Variants in PARD3B observed in about 807,000 individuals in gnomAD.
PARD3B encodes par-3 family cell polarity regulator beta, also known as partitioning defective 3 homolog B.
In PARD3B, 103 loss-of-function variants were observed where a neutral mutation model predicts 130.2. That is an observed-to-expected ratio of 0.79 (90% CI 0.67 to 0.93). The LOEUF is 0.93. Ranked by LOEUF, PARD3B falls within the 40% of genes least tolerant of loss-of-function variation. The probability of loss-of-function intolerance (pLI) is 0.00; values close to 1 mark genes in which losing one functional copy is unlikely to be tolerated. For synonymous variants in PARD3B, 583 were observed against 553.2 expected, an observed-to-expected ratio of 1.05 and a Z score of -0.76; for missense variants, 1,609 against 1,499.2, an observed-to-expected ratio of 1.07 and a Z score of -1.21.
chr2:204,853,036 T>C (rs1442553043), intron 2 of PARD3B, among the ~76,000 whole-genome samples: 2 of 152,212 alleles, frequency 1.3e-5, no homozygotes, highest in African/African-American at 4.8e-5. Flanking sequence ...TAATTAGTTA[T>C]CAAAATATTC....
At chr2:204,847,817 A>C (rs2044526504) in intron 2 of PARD3B, among the ~76,000 whole-genome samples, 1 of 152,314 alleles carries the variant, frequency 6.6e-6, no homozygotes, top group African/African-American at 2.4e-5. Context: ...GAAAAGGTGA[A>C]AGTTCTCAAC....
chr2:205,559,365 C>T (rs911763336), intron 22 of PARD3B, among the ~76,000 whole-genome samples: 7 of 151,780 alleles, frequency 4.6e-5, no homozygotes, highest in East Asian at 3.9e-4. Flanking sequence ...AGGCTGGTCT[C>T]GAACTCCTGA....
At position 205,575,569 on chromosome 2, in the gene PARD3B, C is replaced by A. The variant is rs79769743; in HGVS notation, c.3260+22166C>A. ...ACCATTACCCCTAGCTACTATTGAT[C>A]TTTTTGCTGTCTTCATAGTTCTAAC... On this transcript the variant is annotated intron_variant, in intron 22 of 22. Coordinates refer to ENST00000406610, the MANE Select transcript of PARD3B (RefSeq NM_001302769.2). This position sits in a 1 kb window ranked among gnomAD's most constrained non-coding sequence, Gnocchi z 4.6. 0.018 allele frequency among the ~76,000 whole-genome samples: 2,713 copies of A among 152,248 alleles called. 86 individuals are homozygous for A. The highest frequency in any genetic ancestry group is 0.061 in the African/African-American group (2,541 of 41,544).
Position 204,557,762 on chromosome 2 carries a change from T to C in PARD3B, c.120+11643T>C, listed in dbSNP as rs376051992. Reference sequence around the variant, plus strand: ...TTTGCTGTAGGCAGTAGTTTAGTGGTCCATTATATCTGCCACACTGATTGT... The same window carrying C: ...TTTGCTGTAGGCAGTAGTTTAGTGGCCCATTATATCTGCCACACTGATTGT... On this transcript the variant is annotated intron_variant, in intron 1 of 22. Transcript: ENST00000406610. Among the ~76,000 whole-genome samples, 21 of 152,240 alleles carry C rather than the reference T, an allele frequency of 1.4e-4. 3 individuals carry two copies. Among genetic ancestry groups the C allele is most frequent in the Admixed American group, 1.1e-3 (17 of 15,290 alleles).
intron 3 of PARD3B, among the ~76,000 whole-genome samples, chr2:204,979,527 T>C (rs1692485052): frequency 6.6e-6 from 1 of 152,190 alleles, no homozygotes; most frequent in South Asian, 2.1e-4. Context: ...GGAATATGAA[T>C]GGACAGCCAC....
chr2:205,094,072 C>G (rs1328615375), intron 4 of PARD3B, among the ~76,000 whole-genome samples: 1 of 152,164 alleles, frequency 6.6e-6, no homozygotes, highest in Non-Finnish European at 1.5e-5. Flanking sequence ...TTTGACTCTT[C>G]CGCTGTTCCT....
intron 2 of PARD3B, among the ~76,000 whole-genome samples, chr2:204,739,029 G>A (rs186511781): frequency 6.6e-6 from 1 of 152,270 alleles, no homozygotes; most frequent in African/African-American, 2.4e-5. Flanking sequence ...TTAGGATTCT[G>A]CCTAAGAGTT....
At chr2:204,718,687 C>A (rs1285354096) in intron 2 of PARD3B, among the ~76,000 whole-genome samples, 1 of 152,200 alleles carries the variant, frequency 6.6e-6, no homozygotes, top group Non-Finnish European at 1.5e-5. Context: ...CAACCATTGC[C>A]TAGCAGTAGT....
intron 21 of PARD3B, among the ~76,000 whole-genome samples, chr2:205,508,249 G>A (rs2050450807): frequency 6.6e-6 from 1 of 152,166 alleles, no homozygotes; most frequent in Non-Finnish European, 1.5e-5. Flanking sequence ...TTTAGAAGGT[G>A]AGATGGGGTA....
At chr2:204,972,404 C>T (rs1048404742) in intron 3 of PARD3B, among the ~76,000 whole-genome samples, 1 of 152,020 alleles carries the variant, frequency 6.6e-6, no homozygotes, top group East Asian at 1.9e-4. Context: ...TACCACCATC[C>T]TAACAGAACT....
chr2:205,094,178 T>C (rs757026352), intron 4 of PARD3B, among the ~76,000 whole-genome samples: 5 of 152,198 alleles, frequency 3.3e-5, no homozygotes, highest in African/African-American at 9.7e-5. Flanking sequence ...CAGTAGGTCT[T>C]ATAAGCTGTG....
At chr2:205,119,495 C>G (rs1376516109) in intron 7 of PARD3B, among the ~76,000 whole-genome samples, 1 of 152,090 alleles carries the variant, frequency 6.6e-6, no homozygotes, top group African/African-American at 2.4e-5. Flanking sequence ...AAAATACCGT[C>G]TCCTGGCCAG....
chr2:205,507,702 C>T (rs912871289), intron 21 of PARD3B, among the ~76,000 whole-genome samples: 1 of 152,076 alleles, frequency 6.6e-6, no homozygotes, highest in Non-Finnish European at 1.5e-5. Flanking sequence ...ACGACAACTT[C>T]GAGTTCTAAT....
Position 204,596,615 on chromosome 2 carries a change from A to C in PARD3B, c.120+50496A>C, listed in dbSNP as rs546659513. 3.3e-5 allele frequency among the ~76,000 whole-genome samples: 5 copies of C among 152,010 alleles called. No homozygotes were observed. The South Asian group carries it at 6.2e-4, about 19-fold the overall frequency. On this transcript the variant is annotated intron_variant, in intron 1 of 22. Coordinates refer to ENST00000406610, the MANE Select transcript of PARD3B (RefSeq NM_001302769.2). Reference sequence around the variant, plus strand: ...CTTGTCAGGTGCAAAAACATAGAACACTCCCAATAATCTTTCATGTAAGCT... The same window carrying C: ...CTTGTCAGGTGCAAAAACATAGAACCCTCCCAATAATCTTTCATGTAAGCT...
chr2:205,276,546 C>T lies in PARD3B; in HGVS notation c.2186-23984C>T, dbSNP rs956537991. On this transcript the variant is annotated intron_variant, in intron 16 of 22. Coordinates refer to ENST00000406610, the MANE Select transcript of PARD3B (RefSeq NM_001302769.2). This position sits in a 1 kb window ranked among gnomAD's most constrained non-coding sequence, Gnocchi z 5.0. The stretch of plus-strand genomic sequence containing the variant: ...GCAATGAGGAGCTAGGCGGGGCCTT[C>T]GGGAGCGGGAGCAGCACCCACCATC... 2.0e-5 allele frequency among the ~76,000 whole-genome samples: 3 copies of T among 152,116 alleles called. No homozygotes were observed. Among genetic ancestry groups the T allele is most frequent in the Non-Finnish European group, 2.9e-5 (2 of 68,014 alleles).
chr2:204,670,770 A>G lies in PARD3B; in HGVS notation c.121-15411A>G, dbSNP rs113554905. On this transcript the variant is annotated intron_variant, in intron 1 of 22. Coordinates refer to ENST00000406610, the MANE Select transcript of PARD3B (RefSeq NM_001302769.2). ...TATTGTTACTTTTGAGCCCATAACTATGGTTGCCTTTTGTCTCGTGCAAAC... is the reference window on the plus strand; with the variant it reads ...TATTGTTACTTTTGAGCCCATAACTGTGGTTGCCTTTTGTCTCGTGCAAAC... Among the ~76,000 whole-genome samples, 889 of 152,240 alleles carry G rather than the reference A, an allele frequency of 5.8e-3. 2 individuals carry two copies. Among genetic ancestry groups the G allele is most frequent in the Non-Finnish European group, 1.0e-2 (679 of 68,010 alleles).
At chr2:204,881,070 G>A (rs532305054) in intron 2 of PARD3B, among the ~76,000 whole-genome samples, 65 of 152,230 alleles carry the variant, frequency 4.3e-4, no homozygotes, top group African/African-American at 1.6e-3. Context: ...TAACACTACT[G>A]AAAACAATTG....
rs902206325 is a variant in PARD3B at position 205,463,452 on chromosome 2, A to C, written c.3044+22780A>C. ...CATTAATTCTTTAAAAAAAAAAAAA[A>C]AAAAAAACCTGTCATTTAATTTTAA... On this transcript the variant is annotated intron_variant, in intron 20 of 22. Transcript: ENST00000406610. The surrounding 1 kb of genome is among the most constrained non-coding windows in gnomAD (Gnocchi z 4.8). Among the ~76,000 whole-genome samples the C allele has an allele frequency of 9.9e-5, 15 of 152,190 alleles. No homozygotes were observed. The South Asian group carries it at 1.2e-3, about 13-fold the overall frequency.
intron 22 of PARD3B, among the ~76,000 whole-genome samples, chr2:205,571,505 G>A (rs2053560398): frequency 1.3e-5 from 2 of 152,134 alleles, no homozygotes; most frequent in Admixed American, 1.3e-4. Flanking sequence ...AGTCTCCAAG[G>A]GAGCAAGCAA....
Sources: allele counts gnomAD v4.1 joint callset (sites outside exome capture counted in the v4.1 genomes callset), GRCh38; gene constraint gnomAD v4.1.1; non-coding constraint Gnocchi (gnomAD v3.1); transcripts MANE v1.5; gene names NCBI Gene and HGNC (gene_info 2026-07-23, HGNC 2026-07-21).